The following SLC4A10 variants were observed in gnomAD, a reference collection of about 807,000 sequenced individuals.
SLC4A10 encodes solute carrier family 4 member 10.
Under a neutral mutation model 137.7 loss-of-function variants are expected in SLC4A10, and 42 were observed. The observed-to-expected ratio is 0.30, with a 90% CI of 0.24 to 0.39. The LOEUF is 0.39. SLC4A10 is among the 10% of genes least tolerant of loss of function. The probability of loss-of-function intolerance (pLI) is 1.00; values close to 1 mark genes in which losing one functional copy is unlikely to be tolerated. For missense variants in SLC4A10, 925 were observed against 1,355.0 expected (o/e 0.68, Z 4.98); for synonymous variants, 474 against 464.1 (o/e 1.02, Z -0.27).
At chr2:161,805,646 C>T (rs1321813287) in intron 3 of SLC4A10, among the ~76,000 whole-genome samples, 3 of 152,270 alleles carry the variant, frequency 2.0e-5, no homozygotes, top group East Asian at 1.9e-4. Flanking sequence ...CTTAAAGCTC[C>T]GAAATGATCT....
chr2:161,840,979 G>A (rs539901300), intron 4 of SLC4A10, among the ~76,000 whole-genome samples: 3 of 152,156 alleles, frequency 2.0e-5, no homozygotes, highest in Non-Finnish European at 4.4e-5. Context: ...GAGTTGGGTT[G>A]GAGTTAGCTA....
intron 5 of SLC4A10, among the ~76,000 whole-genome samples, chr2:161,856,279 G>A (rs539512487): frequency 2.0e-5 from 3 of 151,680 alleles, no homozygotes; most frequent in African/African-American, 7.3e-5. Context: ...GATAGGCACT[G>A]CAGTATGTGT....
At chr2:161,759,894 TCTAGAGTAACAAAAATTTTTC>T (rs1304230460) in intron 1 of SLC4A10, among the ~76,000 whole-genome samples, 2 of 152,012 alleles carry the variant, frequency 1.3e-5, no homozygotes, top group Non-Finnish European at 2.9e-5. Flanking sequence ...GGCATATACT[TCTAGAGTAACAAAAATTTTTC>T]CTAGAGTAAC....
chr2:161,720,914 C>G (rs574883098), intron 1 of SLC4A10, among the ~76,000 whole-genome samples: 2 of 151,966 alleles, frequency 1.3e-5, no homozygotes, highest in East Asian at 3.9e-4. Context: ...ACTGCAACCT[C>G]TGCCCCCAGG....
chr2:161,732,035 A>C (rs2046872645), intron 1 of SLC4A10, among the ~76,000 whole-genome samples: 1 of 152,200 alleles, frequency 6.6e-6, no homozygotes, highest in Admixed American at 6.5e-5. Flanking sequence ...GCGTAGGGCA[A>C]GGCATGGAAA....
intron 5 of SLC4A10, among the ~76,000 whole-genome samples, chr2:161,857,694 G>A (rs2125867421): frequency 6.6e-6 from 1 of 152,066 alleles, no homozygotes; most frequent in East Asian, 1.9e-4. Context: ...TACTAAGTTT[G>A]TAATAAATAA....
intron 2 of SLC4A10, 71 bp downstream of exon 2, chr2:161,771,125 T>G (rs1019226507): frequency 2.4e-5 from 28 of 1,164,010 alleles, no homozygotes; most frequent in Non-Finnish European, 3.4e-5. Context: ...ATGTAGTTTG[T>G]CACATTGTGA....
At chr2:161,934,591 G>A (rs796993060) in intron 15 of SLC4A10, among the ~76,000 whole-genome samples, 2 of 151,948 alleles carry the variant, frequency 1.3e-5, no homozygotes, top group Admixed American at 6.6e-5. Context: ...AGGTTGCTTC[G>A]AAATCTTGGC....
chr2:161,784,038 G>GA (rs1318509970), intron 2 of SLC4A10, among the ~76,000 whole-genome samples: 4 of 149,900 alleles, frequency 2.7e-5, no homozygotes, highest in South Asian at 2.1e-4. Context: ...TGAAAGAATG[G>GA]AAAAAAAAAT....
intron 1 of SLC4A10, among the ~76,000 whole-genome samples, chr2:161,710,075 G>A (rs1367197394): frequency 6.6e-6 from 1 of 151,386 alleles, no homozygotes; most frequent in African/African-American, 2.4e-5. Flanking sequence ...CAGTTAAGGG[G>A]TTTCTCCTTT....
intron 15 of SLC4A10, among the ~76,000 whole-genome samples, chr2:161,924,808 T>C (rs1247145198): frequency 1.3e-5 from 2 of 152,178 alleles, no homozygotes; most frequent in Non-Finnish European, 2.9e-5. Flanking sequence ...TGCCATTGTA[T>C]TCACTAACAC....
At chr2:161,907,700 G>A (rs966324323) in intron 15 of SLC4A10, among the ~76,000 whole-genome samples, 2 of 152,176 alleles carry the variant, frequency 1.3e-5, no homozygotes, top group African/African-American at 4.8e-5. Context: ...AAGGTGCTAA[G>A]GAATAGGGCA....
chr2:161,773,648 T>C (rs1278316047), intron 2 of SLC4A10, among the ~76,000 whole-genome samples: 1 of 151,876 alleles, frequency 6.6e-6, no homozygotes, highest in Non-Finnish European at 1.5e-5. Context: ...AAATGCCAGA[T>C]GTTTAAAAAT....
chr2:161,895,183 G>T (rs1049490319), intron 11 of SLC4A10, among the ~76,000 whole-genome samples: 1 of 151,074 alleles, frequency 6.6e-6, no homozygotes, highest in Admixed American at 6.6e-5. Flanking sequence ...TTGCCCTTGC[G>T]ATAGTTTACT....
At chr2:161,776,889 GTGTT>G (rs1290551295) in intron 2 of SLC4A10, among the ~76,000 whole-genome samples, 2 of 147,020 alleles carry the variant, frequency 1.4e-5, no homozygotes, top group Non-Finnish European at 3.0e-5. Flanking sequence ...GTGTGTGTGT[GTGTT>G]TTGATAGTTA....
rs2062686779 is a variant in SLC4A10, at chr2:161,889,491, T to G, written c.1195-5188T>G. Among the ~76,000 whole-genome samples, 3 of 152,324 alleles carry G rather than the reference T, an allele frequency of 2.0e-5. No homozygotes were observed. In the South Asian group the frequency reaches 6.2e-4, roughly 32 times the overall value. On this transcript the variant is annotated intron_variant, in intron 10 of 26. Coordinates refer to ENST00000446997, the MANE Select transcript of SLC4A10 (RefSeq NM_001178015.2). ...TGTTGGCCTTTTCAGGGATTCAACT[T>G]CTTCCTGCTTTAGTCTTGGGAGAGT...
chr2:161,918,884 C>T (rs1195261811), intron 15 of SLC4A10, among the ~76,000 whole-genome samples: 1 of 152,204 alleles, frequency 6.6e-6, no homozygotes, highest in Non-Finnish European at 1.5e-5. Flanking sequence ...CCCGCGCCTT[C>T]TGAGTTGGTG....
At chr2:161,966,631 C>T (rs1475898911) in intron 23 of SLC4A10, among the ~76,000 whole-genome samples, 1 of 151,702 alleles carries the variant, frequency 6.6e-6, no homozygotes, top group Non-Finnish European at 1.5e-5. Context: ...CACCTGTAGT[C>T]TCAGCTACTC....
At chr2:161,956,023 A>G (rs951701280) in intron 19 of SLC4A10, among the ~76,000 whole-genome samples, 3 of 152,230 alleles carry the variant, frequency 2.0e-5, no homozygotes, top group African/African-American at 7.2e-5. Flanking sequence ...CTGAGAAATT[A>G]TATAAGTTAT....
Sources: allele counts gnomAD v4.1 joint callset (sites outside exome capture counted in the v4.1 genomes callset), GRCh38; gene constraint gnomAD v4.1.1; transcripts MANE v1.5; gene names NCBI Gene and HGNC (gene_info 2026-07-23, HGNC 2026-07-21).